The following YWHAE variants were observed in gnomAD, a reference collection of about 807,000 sequenced individuals.
YWHAE encodes tyrosine 3-monooxygenase/tryptophan 5-monooxygenase activation protein epsilon, also known as 14-3-3 protein epsilon.
YWHAE carries 4 observed loss-of-function variants against 30.1 expected under a neutral mutation model. That is an observed-to-expected ratio of 0.13 (90% confidence interval 0.07 to 0.30). The LOEUF is 0.30. Among genes scored for constraint, YWHAE ranks in the 10% least tolerant of loss-of-function variants. The pLI is 1.00. For missense variants in YWHAE, 121 were observed against 315.9 expected (o/e 0.38, Z 4.68); for synonymous variants, 118 against 111.8 (o/e 1.06, Z -0.35).
chr17:1,354,763 T>C (rs1045261809), intron 4 of YWHAE, among the ~76,000 whole-genome samples: 3 of 151,694 alleles, frequency 2.0e-5, no homozygotes, highest in East Asian at 2.0e-4. Context: ...CTCAGGTTCA[T>C]GCCATTCTCC....
At chr17:1,381,258 T>C (rs1003372062) in intron 1 of YWHAE, among the ~76,000 whole-genome samples, 8 of 152,018 alleles carry the variant, frequency 5.3e-5, no homozygotes, top group African/African-American at 1.7e-4. Flanking sequence ...ATTACGCCTG[T>C]AATCCCAGCA....
intron 2 of YWHAE, among the ~76,000 whole-genome samples, chr17:1,364,419 G>A (rs2072913004): frequency 6.6e-6 from 1 of 151,888 alleles, no homozygotes; most frequent in South Asian, 2.1e-4. Flanking sequence ...GTAGAGACGG[G>A]GTTTCACCAT....
chr17:1,397,294 A>G (rs2073488901), intron 1 of YWHAE, among the ~76,000 whole-genome samples: 1 of 152,210 alleles, frequency 6.6e-6, no homozygotes, highest in Admixed American at 6.5e-5. Context: ...TATGGTTTCA[A>G]AGGAGGTAAA....
At chr17:1,370,326 T>A (rs1047017041) in intron 1 of YWHAE, among the ~76,000 whole-genome samples, 1 of 151,310 alleles carries the variant, frequency 6.6e-6, no homozygotes, top group Non-Finnish European at 1.5e-5. Context: ...AGAGGCGGGG[T>A]TTCACCATGT....
At chr17:1,359,945 G>A (rs2072834807) in intron 4 of YWHAE, among the ~76,000 whole-genome samples, 2 of 83,498 alleles carry the variant, frequency 2.4e-5, no homozygotes, top group African/African-American at 4.5e-5. Context: ...GGAGGGGGAG[G>A]GGGGGAGAGA....
In YWHAE at chr17:1,376,952, AGTC is replaced by A. The variant is rs1164446147; in HGVS notation, c.65-11897_65-11895del. ...ACTTTTTTTTTTTTTTTTGAGACAG[AGTC>A]TAGCTCTGTTGCCCAGGCTGAAGTG... On this transcript the variant is annotated intron_variant, in intron 1 of 5. Coordinates refer to ENST00000264335, the MANE Select transcript of YWHAE (RefSeq NM_006761.5). 4.0e-5 allele frequency among the ~76,000 whole-genome samples: 6 copies of A among 149,468 alleles called. No individual in the cohort carries two copies. In the East Asian group the frequency reaches 1.2e-3, roughly 30 times the overall value.
intron 1 of YWHAE, among the ~76,000 whole-genome samples, chr17:1,367,537 T>G (rs764274012): frequency 6.6e-6 from 1 of 152,138 alleles, no homozygotes; most frequent in South Asian, 2.1e-4. Context: ...AGGCCTGCAG[T>G]GAGCTATTAG....
rs138015473 is a variant in YWHAE at position 1,353,745 on chromosome 17, C to T, written c.715+466G>A. ...AGCCACCGCACTCCAGCCTGGGTGT[C>T]GCAGCAAGACTCCGTCTCAAAAAAA... On this transcript the variant is annotated intron_variant, in intron 5 of 5. Transcript: ENST00000264335. 2.4e-3 allele frequency among the ~76,000 whole-genome samples: 327 copies of T among 134,238 alleles called. 1 individual carries two copies. The highest frequency in any genetic ancestry group is 9.3e-3 in the African/African-American group (308 of 33,016). 88.1% of individuals were successfully genotyped at this position (134,238 alleles called of 152,430 possible). A position where few individuals can be genotyped will look rare whatever the true frequency, so the allele number is the denominator to read the frequency against.
At chr17:1,373,331 C>G (rs897126301) in intron 1 of YWHAE, among the ~76,000 whole-genome samples, 1 of 151,966 alleles carries the variant, frequency 6.6e-6, no homozygotes, top group Non-Finnish European at 1.5e-5. Flanking sequence ...ATAGTAACGT[C>G]AAAGATTACT....
intron 5 of YWHAE, among the ~76,000 whole-genome samples, chr17:1,351,340 T>C (rs1030068669): frequency 1.3e-5 from 2 of 150,854 alleles, no homozygotes; most frequent in Non-Finnish European, 2.9e-5. Context: ...AGAGCACCAC[T>C]GCACTCCAGC....
chr17:1,362,668 G>C (rs1289797100), intron 2 of YWHAE, among the ~76,000 whole-genome samples: 2 of 151,996 alleles, frequency 1.3e-5, no homozygotes, highest in Non-Finnish European at 2.9e-5. Flanking sequence ...TCCTCAGCTT[G>C]CTTCCTGTTT....
intron 5 of YWHAE, 114 bp downstream of exon 5, chr17:1,354,096 AG>A: frequency 7.6e-7 from 1 of 1,313,318 alleles, no homozygotes; most frequent in African/African-American, 1.5e-5. Context: ...CATAGAGGGC[AG>A]GCGGTGAATC....
At chr17:1,354,929 T>G (rs1003261333) in intron 4 of YWHAE, among the ~76,000 whole-genome samples, 6 of 144,762 alleles carry the variant, frequency 4.1e-5, no homozygotes, top group African/African-American at 1.5e-4. Flanking sequence ...CCCAAAGTGC[T>G]GGGATTACAG....
At chr17:1,355,160 T>TA in intron 4 of YWHAE, among the ~76,000 whole-genome samples, 1 of 31,142 alleles carries the variant, frequency 3.2e-5, no homozygotes, top group Non-Finnish European at 6.3e-5. Flanking sequence ...TTTTTTTTTT[T>TA]TTTTTTTTTT....
Position 1,377,328 on chromosome 17 carries a change from A to G in YWHAE, c.65-12270T>C, listed in dbSNP as rs541276308. Among the ~76,000 whole-genome samples, 83 of 152,352 alleles carry G rather than the reference A, an allele frequency of 5.4e-4. 1 individual carries two copies. The highest frequency in any genetic ancestry group is 1.9e-3 in the African/African-American group (78 of 41,586). On this transcript the variant is annotated intron_variant, in intron 1 of 5. Transcript: ENST00000264335. ...ATCTAACTTAAGAGTCTGAGCTTTT[A>G]GCCATCACACTTCAATGACTTTGCA...
chr17:1,368,841 A>C (rs1656324327), intron 1 of YWHAE, among the ~76,000 whole-genome samples: 1 of 152,232 alleles, frequency 6.6e-6, no homozygotes, highest in Admixed American at 6.5e-5. Context: ...CTACACAAAA[A>C]CAGTGCCATT....
chr17:1,387,953 TCTCA>T (rs1436994158), intron 1 of YWHAE, among the ~76,000 whole-genome samples: 1 of 112,432 alleles, frequency 8.9e-6, no homozygotes, highest in African/African-American at 3.7e-5. Flanking sequence ...TTTGACGGAG[TCTCA>T]CTCTGTCGTT....
chr17:1,361,423 G>A, intron 3 of YWHAE, 125 bp from the exon 4 acceptor site: 1 of 705,414 alleles, frequency 1.4e-6, no homozygotes, highest in Non-Finnish European at 2.2e-6. Context: ...ACAATTAGGT[G>A]TACTTCAATA....
At chr17:1,379,269 G>A (rs890244740) in intron 1 of YWHAE, among the ~76,000 whole-genome samples, 1 of 152,122 alleles carries the variant, frequency 6.6e-6, no homozygotes, top group East Asian at 1.9e-4. Context: ...CAGGCTGCTT[G>A]AGCTGAGGAG....
Sources: gnomAD v4.1 joint callset for allele counts (sites outside exome capture counted in the v4.1 genomes callset) on GRCh38, gnomAD v4.1.1 for gene constraint, MANE v1.5 for transcripts, NCBI Gene and HGNC (gene_info 2026-07-23, HGNC 2026-07-21) for gene names.